CEMIP2: variants seen among roughly 807,000 people sequenced by gnomAD.
CEMIP2 encodes cell migration inducing hyaluronidase 2.
Under a neutral mutation model 146.9 loss-of-function variants are expected in CEMIP2, and 79 were observed. That is an observed-to-expected ratio of 0.54 (90% CI 0.45 to 0.65). The LOEUF is 0.65. Among genes scored for constraint, CEMIP2 ranks in the 30% least tolerant of loss-of-function variants. The probability of loss-of-function intolerance (pLI) is 0.00; values close to 1 mark genes in which losing one functional copy is unlikely to be tolerated. For synonymous variants in CEMIP2, 601 were observed against 606.3 expected (o/e 0.99, Z 0.13); for missense variants, 1,596 against 1,696.2 (o/e 0.94, Z 1.04).
At chr9:71,725,810 C>G (rs753644773) in intron 10 of CEMIP2, 101 bp from the exon 11 acceptor site, 105 of 1,357,126 alleles carry the variant, frequency 7.7e-5, no homozygotes, top group Non-Finnish European at 9.0e-5. Flanking sequence ...TAATCTTTTT[C>G]ACCCAAATTT....
In CEMIP2 at chr9:71,722,439, T is replaced by C. The variant is rs779080929; in HGVS notation, c.2255A>G (p.Asp752Gly). Residue 752 changes from aspartate (D) to glycine (G), a missense_variant, in exon 12 of 24, where the codon GAC (aspartate) becomes GGC (glycine). Transcript: ENST00000377044. ...AADPREYLCL[D>G]NSARFRPHQD... ...GAGCCAGCTTTACCTTGCACTATTG[T>C]CCAAACAGAGGTATTCCCTTGGGTC... The C allele has an allele frequency of 1.4e-5, 22 of 1,613,232 alleles. No homozygotes were observed. Among genetic ancestry groups the C allele is most frequent in the Non-Finnish European group, 1.9e-5 (22 of 1,179,700 alleles).
intron 17 of CEMIP2, among the ~76,000 whole-genome samples, chr9:71,708,280 G>A (rs7868912): frequency 0.97 from 147,748 of 152,324 alleles, 71,815 homozygotes; most frequent in East Asian, 1. Context: ...ATCCTGGGCA[G>A]CTGGTACCTC....
rs754562265 is a variant in CEMIP2, at chr9:71,709,261, G to T, written c.2983C>A (p.Gln995Lys). ...NAVICSGTYA[Q>K]VYVQTWSTQN... ...CATTATACATTTGCTAAGCCTACCTGTGCATAGGTCCCACTGCAGATCACT... is the reference window on the plus strand; with the variant it reads ...CATTATACATTTGCTAAGCCTACCTTTGCATAGGTCCCACTGCAGATCACT... Residue 995 changes from glutamine (Q) to lysine (K), a missense_variant and splice_region_variant, in exon 17 of 24, where the codon CAG becomes AAG. Coordinates refer to ENST00000377044, the MANE Select transcript of CEMIP2 (RefSeq NM_013390.3). The T allele has an allele frequency of 6.8e-6, 11 of 1,614,006 alleles. No individual in the cohort carries two copies. Among genetic ancestry groups the T allele is most frequent in the Non-Finnish European group, 9.3e-6 (11 of 1,179,954 alleles).
intron 6 of CEMIP2, among the ~76,000 whole-genome samples, 158 bp downstream of exon 6, chr9:71,734,648 C>T (rs981770631): frequency 2.6e-5 from 4 of 152,094 alleles, no homozygotes; most frequent in Non-Finnish European, 5.9e-5. Flanking sequence ...TCCCTGGAAT[C>T]TAGTGTTTGA....
chr9:71,710,919 C>T (rs1822886962), intron 16 of CEMIP2, among the ~76,000 whole-genome samples: 1 of 152,202 alleles, frequency 6.6e-6, no homozygotes, highest in African/African-American at 2.4e-5. Context: ...GAAAACCAGA[C>T]ATAGACTTTG....
intron 18 of CEMIP2, among the ~76,000 whole-genome samples, chr9:71,702,512 CTA>C (rs1001580670): frequency 6.6e-6 from 1 of 152,024 alleles, no homozygotes; most frequent in Non-Finnish European, 1.5e-5. Context: ...GGGGAATGTA[CTA>C]TATATGTTTA....
intron 13 of CEMIP2, 139 bp downstream of exon 13, chr9:71,717,809 C>T: frequency 1.3e-6 from 1 of 798,036 alleles, no homozygotes; most frequent in East Asian, 3.0e-5. Context: ...TAGCATACTT[C>T]CTCAGAGCTT....
At chr9:71,748,500 C>T (rs763820688) in intron 2 of CEMIP2, among the ~76,000 whole-genome samples, 6 of 152,136 alleles carry the variant, frequency 3.9e-5, no homozygotes, top group Non-Finnish European at 7.4e-5. Context: ...ATCAGCAATG[C>T]CCTGTTTTAG....
intron 1 of CEMIP2, among the ~76,000 whole-genome samples, chr9:71,752,244 G>T (rs1228137304): frequency 1.3e-5 from 2 of 151,490 alleles, no homozygotes; most frequent in Non-Finnish European, 2.9e-5. Flanking sequence ...GGCAAAGAAT[G>T]AGCTTTGCAA....
rs1475997988 is a variant in CEMIP2 at position 71,741,629 on chromosome 9, TG to T, written c.1035-1398del. On this transcript the variant is annotated intron_variant, in intron 4 of 23. Transcript: ENST00000377044. ...AACACCATTATTTCTTTTTCTTTTCTGGTTTTTTTTTTTTTTTTTTTTTTTT... is the reference window on the plus strand; with the variant it reads ...AACACCATTATTTCTTTTTCTTTTCTGTTTTTTTTTTTTTTTTTTTTTTTT... Among the ~76,000 whole-genome samples the T allele has an allele frequency of 8.3e-4, 101 of 122,232 alleles. 1 individual carries two copies. Among genetic ancestry groups the T allele is most frequent in the African/African-American group, 2.1e-3 (78 of 36,608 alleles). 80.2% of individuals were successfully genotyped at this position (122,232 alleles called of 152,430 possible).
intron 22 of CEMIP2, among the ~76,000 whole-genome samples, chr9:71,688,749 G>A (rs960172517): frequency 2.6e-5 from 4 of 152,140 alleles, no homozygotes; most frequent in East Asian, 1.9e-4. Flanking sequence ...GTCTAAGCAC[G>A]GCTACCCTGC....
intron 1 of CEMIP2, among the ~76,000 whole-genome samples, chr9:71,753,444 C>T (rs984514976): frequency 6.6e-6 from 1 of 152,160 alleles, no homozygotes; most frequent in African/African-American, 2.4e-5. Flanking sequence ...CTGTCACAAA[C>T]TAAAGGGGTC....
chr9:71,757,842 A>G (rs1266892069), intron 1 of CEMIP2, among the ~76,000 whole-genome samples: 1 of 152,228 alleles, frequency 6.6e-6, no homozygotes, highest in Non-Finnish European at 1.5e-5. Context: ...CAGTGAACTC[A>G]ACAAATACCC....
chr9:71,745,189 T>C lies in CEMIP2; in HGVS notation c.863A>G (p.His288Arg), dbSNP rs1003684066. Residue 288 changes from histidine to arginine, a missense_variant, in exon 4 of 24, where the codon CAT becomes CGT. Transcript: ENST00000377044. ...CCGCCTGCTCTCATTGCGGTATTCA[T>C]GGGTATCAAATCTCTCACTTTCCAA... ...KILESERFDT[H>R]EYRNESRRLQ... is the part of the protein sequence containing the mutation. The C allele has an allele frequency of 3.7e-6, 6 of 1,614,150 alleles. No individual in the cohort carries two copies. Among genetic ancestry groups the C allele is most frequent in the Non-Finnish European group, 5.1e-6 (6 of 1,180,006 alleles).
chr9:71,736,062 C>A (rs1212109077), intron 5 of CEMIP2, among the ~76,000 whole-genome samples: 3 of 152,176 alleles, frequency 2.0e-5, no homozygotes, highest in Non-Finnish European at 4.4e-5. Flanking sequence ...CCACTGCACT[C>A]CATCCTAGGC....
intron 1 of CEMIP2, among the ~76,000 whole-genome samples, chr9:71,756,213 A>AGATAGATAGATAGATAGATG (rs1824438834): frequency 7.0e-6 from 1 of 142,546 alleles, no homozygotes; most frequent in Non-Finnish European, 1.5e-5. Context: ...ATAGATAGAT[A>AGATAGATAGATAGATAGATG]GGCTATATAT....
At position 71,750,220 on chromosome 9, in the gene CEMIP2, T is replaced by A. The variant is rs143779171; in HGVS notation, c.154A>T (p.Ile52Phe). The A allele has an allele frequency of 1.5e-5, 24 of 1,614,028 alleles. No homozygotes were observed. The African/African-American group carries it at 3.2e-4, about 22-fold the overall frequency. ...KSQASAKFTS[I>F]RREDRATFAF... Reference sequence around the variant, plus strand: ...AAGGTTGCCCGGTCTTCTCGTCTGATGGAGGTAAATTTGGCTGAAGCTTGA... The same window carrying A: ...AAGGTTGCCCGGTCTTCTCGTCTGAAGGAGGTAAATTTGGCTGAAGCTTGA... Residue 52 changes from isoleucine (I) to phenylalanine (F), a missense_variant, in exon 2 of 24, where the codon ATC (isoleucine) becomes TTC (phenylalanine). Transcript: ENST00000377044.
At chr9:71,763,071 A>G (rs540281193) in intron 1 of CEMIP2, among the ~76,000 whole-genome samples, 5 of 152,246 alleles carry the variant, frequency 3.3e-5, no homozygotes, top group African/African-American at 9.6e-5. Flanking sequence ...AAAAAAAAAA[A>G]AAAGAAAACC....
chr9:71,761,138 A>G (rs1227047745), intron 1 of CEMIP2, among the ~76,000 whole-genome samples: 2 of 152,252 alleles, frequency 1.3e-5, no homozygotes. Flanking sequence ...TTCCAAAGAA[A>G]GAACCAAAGT....
Sources: allele counts gnomAD v4.1 joint callset (sites outside exome capture counted in the v4.1 genomes callset), GRCh38; gene constraint gnomAD v4.1.1; transcripts MANE v1.5; gene names NCBI Gene and HGNC (gene_info 2026-07-23, HGNC 2026-07-21).